PRDM16: variants seen among roughly 807,000 people sequenced by gnomAD.
PRDM16 encodes histone-lysine N-methyltransferase PRDM16.
A neutral mutation model predicts 110.6 loss-of-function variants in PRDM16; 23 were observed. The ratio of observed to expected loss-of-function variants is 0.21; its 90% confidence interval spans 0.15 to 0.29. The LOEUF is 0.29. Ranked by LOEUF, PRDM16 falls within the 10% of genes least tolerant of loss-of-function variation. The pLI is 1.00. For synonymous variants in PRDM16, 799 were observed against 781.8 expected, an observed-to-expected ratio of 1.02 and a Z score of -0.37; for missense variants, 1,615 against 1,794.3, an observed-to-expected ratio of 0.90 and a Z score of 1.81.
At chr1:3,284,986 G>T (rs898521394) in intron 3 of PRDM16, among the ~76,000 whole-genome samples, 2 of 152,194 alleles carry the variant, frequency 1.3e-5, no homozygotes, top group Non-Finnish European at 2.9e-5. Context: ...TTTCGGAGGC[G>T]AATGTTGGTA....
intron 12 of PRDM16, among the ~76,000 whole-genome samples, chr1:3,424,429 T>C (rs1355363565): frequency 6.6e-6 from 1 of 152,222 alleles, no homozygotes. Flanking sequence ...ATGACGACTT[T>C]CCAGCCGCAA....
intron 2 of PRDM16, among the ~76,000 whole-genome samples, chr1:3,187,143 G>C (rs1368183448): frequency 6.6e-6 from 1 of 152,210 alleles, no homozygotes; most frequent in Non-Finnish European, 1.5e-5. Flanking sequence ...GGAGTGTCCT[G>C]CCCAGGTTGT....
intron 1 of PRDM16, among the ~76,000 whole-genome samples, chr1:3,098,449 C>A (rs74048202): frequency 6.6e-6 from 1 of 152,266 alleles, no homozygotes; most frequent in South Asian, 2.1e-4. Flanking sequence ...TTGTCTCCCC[C>A]ACTCACCGCT....
intron 3 of PRDM16, among the ~76,000 whole-genome samples, chr1:3,330,327 G>C (rs777791486): frequency 2.0e-5 from 3 of 152,242 alleles, no homozygotes; most frequent in African/African-American, 7.2e-5. Context: ...AATTGGAGAT[G>C]CTTTTTGTGT....
chr1:3,071,920 AG>A (rs1246021961), intron 1 of PRDM16, among the ~76,000 whole-genome samples: 6 of 152,348 alleles, frequency 3.9e-5, no homozygotes, highest in African/African-American at 1.4e-4. Context: ...GCCTCAGTTC[AG>A]GTGGGTTAGT....
At chr1:3,403,190 G>A (rs1460975408) in intron 6 of PRDM16, among the ~76,000 whole-genome samples, 192 bp downstream of exon 6, 1 of 152,174 alleles carries the variant, frequency 6.6e-6, no homozygotes, top group Non-Finnish European at 1.5e-5. Context: ...CTGGCGCTGC[G>A]GGCAGAGCAG....
At chr1:3,373,314 G>A (rs769933732) in intron 3 of PRDM16, among the ~76,000 whole-genome samples, 6 of 152,148 alleles carry the variant, frequency 3.9e-5, no homozygotes, top group Non-Finnish European at 7.4e-5. Flanking sequence ...GTCGGAAATC[G>A]CCATGCCCTG....
Position 3,402,778 on chromosome 1 carries a change from C to T in PRDM16, c.677-13C>T, listed in dbSNP as rs1180685478. The T allele has an allele frequency of 6.2e-7, 1 of 1,603,952 alleles. No individual in the cohort carries two copies. The highest frequency in any genetic ancestry group is 1.3e-5 in the African/African-American group (1 of 74,786). Reference sequence around the variant, plus strand: ...CCAGCTCACTCACCACCACCTCGTTCTCTCTCTTGCAGAGGAGCCCACGTT... The same window carrying T: ...CCAGCTCACTCACCACCACCTCGTTTTCTCTCTTGCAGAGGAGCCCACGTT... On this transcript the variant is annotated splice_polypyrimidine_tract_variant and intron_variant, in intron 5 of 16. Coordinates refer to ENST00000270722, the MANE Select transcript of PRDM16 (RefSeq NM_022114.4).
chr1:3,181,692 GGTCTTACACACGGTCTTACACACGCA>G (rs1644199166), intron 1 of PRDM16, among the ~76,000 whole-genome samples: 50 of 91,182 alleles, frequency 5.5e-4, no homozygotes, highest in Middle Eastern at 0.018. Flanking sequence ...TCTTACACAC[GGTCTTACACACGGTCTTACACACGCA>G]GTCTTACACA....
At chr1:3,249,118 A>T (rs74050805) in intron 3 of PRDM16, among the ~76,000 whole-genome samples, 5,173 of 152,172 alleles carry the variant, frequency 0.034, 283 homozygotes, top group African/African-American at 0.12. Context: ...GCACAGCACC[A>T]CGCAGCCGGA....
At position 3,201,912 on chromosome 1, in the gene PRDM16, T is replaced by C. The variant is rs1638638786; in HGVS notation, c.387+15438T>C. ...TCCACCTCTCGGAGGGACCTCCAAG[T>C]GGAGCCTTCGAGCAAGGGGTCCAGC... On this transcript the variant is annotated intron_variant, in intron 2 of 16. Transcript: ENST00000270722. The surrounding 1 kb of genome is among the most constrained non-coding windows in gnomAD (Gnocchi z 4.1). Among the ~76,000 whole-genome samples the C allele has an allele frequency of 6.6e-6, 1 of 152,158 alleles. No homozygotes were observed. Among genetic ancestry groups the C allele is most frequent in the Non-Finnish European group, 1.5e-5 (1 of 68,018 alleles).
intron 8 of PRDM16, among the ~76,000 whole-genome samples, chr1:3,411,037 GT>G (rs1643676331): frequency 6.7e-6 from 1 of 150,062 alleles, no homozygotes; most frequent in African/African-American, 2.5e-5. Context: ...CCAGTCTTGG[GT>G]GGGGCGCATG....
chr1:3,418,759 G>A lies in PRDM16; in HGVS notation c.2939+15G>A. The A allele has an allele frequency of 6.2e-7, 1 of 1,608,790 alleles. No individual in the cohort carries two copies. The highest frequency in any genetic ancestry group is 8.5e-7 in the Non-Finnish European group (1 of 1,175,476). On this transcript the variant is annotated intron_variant, in intron 12 of 16. Transcript: ENST00000270722. ...CAGCCGTACAGGTAGGTGCTGCGTGGGCTGGGTGTGGGGGCGGGGCCGCCT... is the reference window on the plus strand; with the variant it reads ...CAGCCGTACAGGTAGGTGCTGCGTGAGCTGGGTGTGGGGGCGGGGCCGCCT...
intron 2 of PRDM16, among the ~76,000 whole-genome samples, chr1:3,205,738 G>A (rs1447696663): frequency 1.3e-5 from 2 of 152,190 alleles, no homozygotes; most frequent in Admixed American, 6.5e-5. Context: ...TGAGGTTGGG[G>A]GCTGGGCAGT....
At chr1:3,363,445 G>A (rs1034768057) in intron 3 of PRDM16, among the ~76,000 whole-genome samples, 3 of 152,166 alleles carry the variant, frequency 2.0e-5, no homozygotes, top group African/African-American at 7.2e-5. Flanking sequence ...GCTCGGGGCC[G>A]AGGGATCCCG....
In PRDM16 at chr1:3,437,603, C is replaced by G. The variant is rs560231632; in HGVS notation, c.*3792C>G. 1 of 229,102 alleles carries G rather than the reference C, an allele frequency of 4.4e-6. No individual in the cohort carries two copies. Among genetic ancestry groups the G allele is most frequent in the East Asian group, 6.2e-5 (1 of 16,120 alleles). 14.2% of individuals were successfully genotyped at this position (229,102 alleles called of 1,614,324 possible). ...GTGGAGGTCAGCCGGGTATCAAAAG[C>G]CATGAAACTGTGTCTCTGTAGCAAT... On this transcript the variant is annotated 3_prime_UTR_variant, in exon 17 of 17. Transcript: ENST00000270722.
At chr1:3,249,465 A>ACCAG (rs1557557428) in intron 3 of PRDM16, among the ~76,000 whole-genome samples, 1 of 151,616 alleles carries the variant, frequency 6.6e-6, no homozygotes, top group Non-Finnish European at 1.5e-5. Flanking sequence ...CCGTTCCCTT[A>ACCAG]CCAGCCAGCC....
chr1:3,354,112 C>T (rs1013996470), intron 3 of PRDM16, among the ~76,000 whole-genome samples: 1 of 152,176 alleles, frequency 6.6e-6, no homozygotes, highest in Non-Finnish European at 1.5e-5. Flanking sequence ...GTCTATTAAA[C>T]ATTAAATGGT....
intron 1 of PRDM16, among the ~76,000 whole-genome samples, chr1:3,153,490 G>A (rs1304847381): frequency 6.6e-6 from 1 of 152,254 alleles, no homozygotes; most frequent in Non-Finnish European, 1.5e-5. Context: ...TCCCCAGGCT[G>A]GACCAGAGCG....
Sources: allele counts gnomAD v4.1 joint callset (sites outside exome capture counted in the v4.1 genomes callset), GRCh38; gene constraint gnomAD v4.1.1; non-coding constraint Gnocchi (gnomAD v3.1); transcripts MANE v1.5; gene names NCBI Gene and HGNC (gene_info 2026-07-23, HGNC 2026-07-21).